CNTNAP2: variants seen among roughly 807,000 people sequenced by gnomAD.
CNTNAP2 encodes contactin associated protein 2.
CNTNAP2 carries 98 observed loss-of-function variants against 155.2 expected under a neutral mutation model. The ratio of observed to expected loss-of-function variants is 0.63; its 90% CI spans 0.54 to 0.75. The LOEUF (loss-of-function observed/expected upper bound fraction) is 0.75. Ranked by LOEUF, CNTNAP2 falls within the 30% of genes least tolerant of loss-of-function variation. The pLI is 0.00. For synonymous variants in CNTNAP2, 651 were observed against 631.2 expected, an observed-to-expected ratio of 1.03 and a Z score of -0.47; for missense variants, 1,727 against 1,688.1, an observed-to-expected ratio of 1.02 and a Z score of -0.40.
chr7:146,251,525 A>G (rs1400283527), intron 1 of CNTNAP2, among the ~76,000 whole-genome samples: 1 of 152,218 alleles, frequency 6.6e-6, no homozygotes, highest in Admixed American at 6.5e-5. Flanking sequence ...TATTTTGAAG[A>G]CTGATATTCT....
At chr7:146,354,305 C>T (rs73162161) in intron 1 of CNTNAP2, among the ~76,000 whole-genome samples, 12,450 of 152,012 alleles carry the variant, frequency 0.082, 1,031 homozygotes, top group African/African-American at 0.21. Context: ...TAAAATTAAA[C>T]TTGAAAACAC....
chr7:146,635,436 G>A (rs561239420), intron 1 of CNTNAP2, among the ~76,000 whole-genome samples: 1 of 152,300 alleles, frequency 6.6e-6, no homozygotes, highest in African/African-American at 2.4e-5. Context: ...ATGGCTTTGT[G>A]TGGACATTCT....
At chr7:148,119,262 G>A (rs1209493589) in intron 16 of CNTNAP2, among the ~76,000 whole-genome samples, 9 of 152,002 alleles carry the variant, frequency 5.9e-5, no homozygotes, top group South Asian at 2.1e-4. Context: ...GGTGGCTCAC[G>A]CCTGTAATCC....
intron 21 of CNTNAP2, among the ~76,000 whole-genome samples, chr7:148,359,306 C>T (rs1017961017): frequency 6.6e-6 from 1 of 152,260 alleles, no homozygotes; most frequent in Non-Finnish European, 1.5e-5. Context: ...CACTAAGCAA[C>T]ACATAACTAG....
chr7:146,579,935 C>G (rs1798586106), intron 1 of CNTNAP2, among the ~76,000 whole-genome samples: 1 of 152,028 alleles, frequency 6.6e-6, no homozygotes. Context: ...TATTTCCTGA[C>G]TCTTACTTGC....
At chr7:146,151,730 G>A (rs116046013) in intron 1 of CNTNAP2, among the ~76,000 whole-genome samples, 2,280 of 120,816 alleles carry the variant, frequency 0.019, 91 homozygotes, top group African/African-American at 0.059. Context: ...ATATATATGC[G>A]CAATGGAATA....
chr7:148,107,639 T>A (rs556306332), intron 15 of CNTNAP2, among the ~76,000 whole-genome samples: 1 of 152,322 alleles, frequency 6.6e-6, no homozygotes, highest in East Asian at 1.9e-4. Flanking sequence ...TTTTCTCCCG[T>A]AAGGAAATCT....
chr7:147,033,230 T>G (rs528964016), intron 3 of CNTNAP2, among the ~76,000 whole-genome samples: 2 of 143,324 alleles, frequency 1.4e-5, no homozygotes, highest in South Asian at 4.5e-4. Flanking sequence ...TCTCACAATG[T>G]TTGACATGAT....
chr7:147,043,469 C>G (rs1335798944), intron 3 of CNTNAP2, among the ~76,000 whole-genome samples: 1 of 152,132 alleles, frequency 6.6e-6, no homozygotes, highest in Non-Finnish European at 1.5e-5. Flanking sequence ...TTCAATTGTT[C>G]TTCTTCTCTC....
At chr7:147,382,150 C>T (rs1796547597) in intron 9 of CNTNAP2, among the ~76,000 whole-genome samples, 1 of 151,664 alleles carries the variant, frequency 6.6e-6, no homozygotes, top group African/African-American at 2.4e-5. Flanking sequence ...TTTGGAAAAC[C>T]AGATCATTAG....
chr7:146,725,566 A>G (rs566222029), intron 1 of CNTNAP2, among the ~76,000 whole-genome samples: 5 of 152,290 alleles, frequency 3.3e-5, no homozygotes, highest in Admixed American at 3.3e-4. Flanking sequence ...ATAAAGGATT[A>G]CCCACCATTA....
chr7:147,747,652 A>C (rs1439374215), intron 13 of CNTNAP2, among the ~76,000 whole-genome samples: 2 of 152,132 alleles, frequency 1.3e-5, no homozygotes, highest in East Asian at 3.9e-4. Flanking sequence ...TTCTAGTTTT[A>C]GTTTTTTGAG....
rs1358317143 is a variant in CNTNAP2 at position 147,335,526 on chromosome 7, C to A, written c.1498+35236C>A. Among the ~76,000 whole-genome samples the A allele has an allele frequency of 2.6e-5, 4 of 152,192 alleles. No individual in the cohort carries two copies. The East Asian group carries it at 7.7e-4, about 29-fold the overall frequency. ...TCCACTATCATAGAGAAAACAAAAT[C>A]ATCAGGAGTTCTTGAGCCCCCAAAG... On this transcript the variant is annotated intron_variant, in intron 9 of 23. Coordinates refer to ENST00000361727, the MANE Select transcript of CNTNAP2 (RefSeq NM_014141.6).
chr7:146,339,344 A>G (rs1057040919), intron 1 of CNTNAP2, among the ~76,000 whole-genome samples: 3 of 152,220 alleles, frequency 2.0e-5, no homozygotes, highest in African/African-American at 7.2e-5. Context: ...TTAAAAAGAT[A>G]CTTCAAAATT....
At chr7:146,828,681 T>C (rs1803453335) in intron 2 of CNTNAP2, among the ~76,000 whole-genome samples, 1 of 152,050 alleles carries the variant, frequency 6.6e-6, no homozygotes, top group African/African-American at 2.4e-5. Context: ...CACAGTATTT[T>C]CAGGACATTA....
rs533343682 is a variant in CNTNAP2 at position 147,841,435 on chromosome 7, G to A, written c.2099-62130G>A. Among the ~76,000 whole-genome samples the A allele has an allele frequency of 2.0e-5, 3 of 152,278 alleles. No individual in the cohort carries two copies. In the East Asian group the frequency reaches 5.8e-4, roughly 29 times the overall value. ...TCATGAGCACCTCCTGTGAGGGAAA[G>A]ACCGAGACTGAGATCTCAGTCATAA... On this transcript the variant is annotated intron_variant, in intron 13 of 23. Coordinates refer to ENST00000361727, the MANE Select transcript of CNTNAP2 (RefSeq NM_014141.6).
intron 4 of CNTNAP2, among the ~76,000 whole-genome samples, chr7:147,055,729 C>T (rs1459641817): frequency 3.9e-5 from 6 of 152,180 alleles, no homozygotes; most frequent in Non-Finnish European, 5.9e-5. Context: ...TGGTTCCCAC[C>T]GGAGGATGTG....
At chr7:146,958,569 A>G (rs1312957243) in intron 3 of CNTNAP2, among the ~76,000 whole-genome samples, 1 of 151,524 alleles carries the variant, frequency 6.6e-6, no homozygotes, top group Non-Finnish European at 1.5e-5. Context: ...ACCCGCCACA[A>G]CGCCCGGCTA....
chr7:147,528,804 C>G lies in CNTNAP2; in HGVS notation c.1778-33334C>G, dbSNP rs550529381. 8.7e-4 allele frequency among the ~76,000 whole-genome samples: 132 copies of G among 152,248 alleles called. 1 individual carries two copies. Among genetic ancestry groups the G allele is most frequent in the African/African-American group, 3.1e-3 (130 of 41,542 alleles). On this transcript the variant is annotated intron_variant, in intron 11 of 23. Coordinates refer to ENST00000361727, the MANE Select transcript of CNTNAP2 (RefSeq NM_014141.6). The stretch of plus-strand genomic sequence containing the variant: ...TATGTAAATCTGTTATAATACCAAT[C>G]CGAACAAGCTAGTATTCTATCAAAT...
Sources: gnomAD v4.1 joint callset for allele counts (sites outside exome capture counted in the v4.1 genomes callset) on GRCh38, gnomAD v4.1.1 for gene constraint, MANE v1.5 for transcripts, NCBI Gene and HGNC (gene_info 2026-07-23, HGNC 2026-07-21) for gene names.